The following RELN variants were observed in gnomAD, a reference collection of about 807,000 sequenced individuals.
RELN encodes reelin.
RELN carries 108 observed loss-of-function variants against 427.6 expected under a neutral mutation model. The observed-to-expected ratio is 0.25, with a 90% CI of 0.22 to 0.30. RELN has a LOEUF of 0.30. Ranked by LOEUF, RELN falls within the 10% of genes least tolerant of loss-of-function variation. RELN has a pLI of 1.00. For missense variants in RELN, 3,715 were observed against 4,302.8 expected (o/e 0.86, Z 3.82); for synonymous variants, 1,524 against 1,513.4 (o/e 1.01, Z -0.16).
intron 42 of RELN, among the ~76,000 whole-genome samples, chr7:103,544,354 G>T (rs939068560): frequency 7.0e-6 from 1 of 142,866 alleles, no homozygotes; most frequent in East Asian, 2.2e-4. Flanking sequence ...ATCACCTCCC[G>T]AGTAGCTGGG....
At chr7:103,908,379 T>TA (rs1795264748) in intron 2 of RELN, among the ~76,000 whole-genome samples, 3 of 152,200 alleles carry the variant, frequency 2.0e-5, no homozygotes, top group Admixed American at 2.0e-4. Flanking sequence ...TAATCTCATT[T>TA]AATCCAACCT....
At chr7:103,542,975 C>CA in intron 42 of RELN, 97 bp from the exon 43 acceptor site, 1 of 1,159,762 alleles carries the variant, frequency 8.6e-7, no homozygotes, top group East Asian at 3.2e-5. Flanking sequence ...TATGTAGTTT[C>CA]AAAATATGAA....
chr7:103,747,802 C>A (rs945652413), intron 6 of RELN, among the ~76,000 whole-genome samples: 5 of 151,832 alleles, frequency 3.3e-5, no homozygotes, highest in Admixed American at 6.6e-5. Flanking sequence ...TAGGAAAAAA[C>A]TTTTTTAAAA....
chr7:103,983,036 C>A, intron 1 of RELN, among the ~76,000 whole-genome samples: 1 of 152,136 alleles, frequency 6.6e-6, no homozygotes, highest in East Asian at 1.9e-4. Context: ...TAAAGGATAA[C>A]CTGCATTTTA....
chr7:103,844,339 T>C lies in RELN; in HGVS notation c.338-10667A>G, dbSNP rs181265020. On this transcript the variant is annotated intron_variant, in intron 2 of 64. Coordinates refer to ENST00000428762, the MANE Select transcript of RELN (RefSeq NM_005045.4). Reference sequence around the variant, plus strand: ...GACCTATCTGGGAAGTTTACTACAATATCAAAATTACTACTCAGCACCATG... The same window carrying C: ...GACCTATCTGGGAAGTTTACTACAACATCAAAATTACTACTCAGCACCATG... Among the ~76,000 whole-genome samples the C allele has an allele frequency of 1.3e-3, 191 of 152,290 alleles. 2 individuals carry two copies. Among genetic ancestry groups the C allele is most frequent in the Middle Eastern group, 6.8e-3 (2 of 294 alleles).
intron 1 of RELN, among the ~76,000 whole-genome samples, chr7:103,942,707 G>A (rs1257192763): frequency 6.6e-6 from 1 of 152,044 alleles, no homozygotes; most frequent in East Asian, 1.9e-4. Flanking sequence ...AGGTCAAGAG[G>A]TTGAGACCAT....
chr7:103,742,016 C>CA (rs1790675560), intron 6 of RELN, among the ~76,000 whole-genome samples: 1 of 151,978 alleles, frequency 6.6e-6, no homozygotes, highest in Non-Finnish European at 1.5e-5. Context: ...AGGCACCCCC[C>CA]AGTAGGGGCG....
Position 103,796,947 on chromosome 7 carries a change from C to T in RELN, c.474-20320G>A, listed in dbSNP as rs186437553. ...AAAGTAAGGATACATAACTATGGAA[C>T]CATCCTTATATACTTCTGTGGTAAG... On this transcript the variant is annotated intron_variant, in intron 3 of 64. Transcript: ENST00000428762. 4.2e-4 allele frequency among the ~76,000 whole-genome samples: 63 copies of T among 150,168 alleles called. No individual in the cohort carries two copies. In the East Asian group the frequency reaches 0.012, roughly 28 times the overall value.
At chr7:103,522,852 C>CAGACACACACACACACA (rs1554369904) in intron 47 of RELN, among the ~76,000 whole-genome samples, 4 of 150,606 alleles carry the variant, frequency 2.7e-5, no homozygotes, top group East Asian at 1.9e-4. Flanking sequence ...CACACACACA[C>CAGACACACACACACACA]CCCCACACCT....
rs58749622 is a variant in RELN, at chr7:103,934,811, T to A, written c.227-17626A>T. 6.3e-3 allele frequency among the ~76,000 whole-genome samples: 953 copies of A among 152,298 alleles called. 14 individuals carry two copies. Among genetic ancestry groups the A allele is most frequent in the African/African-American group, 0.022 (907 of 41,568 alleles). On this transcript the variant is annotated intron_variant, in intron 1 of 64. Coordinates refer to ENST00000428762, the MANE Select transcript of RELN (RefSeq NM_005045.4). The stretch of plus-strand genomic sequence containing the variant: ...CCCATTAATCTAGAGGCAAAAAGGA[T>A]TCCAGAATGGGAATGGGAATAAGAA...
intron 1 of RELN, among the ~76,000 whole-genome samples, chr7:103,932,021 C>A (rs1795877471): frequency 6.6e-6 from 1 of 152,210 alleles, no homozygotes; most frequent in Non-Finnish European, 1.5e-5. Flanking sequence ...TTCAACCCAG[C>A]AATCCCACTA....
Position 103,889,795 on chromosome 7 carries a change from A to G in RELN, c.337+27280T>C, listed in dbSNP as rs544636814. Among the ~76,000 whole-genome samples the G allele has an allele frequency of 1.6e-3, 238 of 152,306 alleles. 2 individuals are homozygous for G. The highest frequency in any genetic ancestry group is 5.5e-3 in the African/African-American group (229 of 41,576). On this transcript the variant is annotated intron_variant, in intron 2 of 64. Transcript: ENST00000428762. ...CACTCCCTTGTTAGAGGAAAATAAG[A>G]CACTATAAAAAGCACCAACCCTAAA... is the stretch of plus-strand genomic sequence containing the variant.
chr7:103,664,100 T>C (rs1833204109), intron 11 of RELN, among the ~76,000 whole-genome samples: 1 of 152,182 alleles, frequency 6.6e-6, no homozygotes, highest in South Asian at 2.1e-4. Flanking sequence ...GGGGAACACG[T>C]ATTTATAGCA....
intron 4 of RELN, among the ~76,000 whole-genome samples, chr7:103,773,535 T>C (rs1563005097): frequency 6.6e-6 from 1 of 151,452 alleles, no homozygotes; most frequent in South Asian, 2.1e-4. Context: ...AGTGGTGCAA[T>C]TTCGGCTCAC....
At chr7:103,933,742 C>T (rs1795915127) in intron 1 of RELN, among the ~76,000 whole-genome samples, 1 of 152,134 alleles carries the variant, frequency 6.6e-6, no homozygotes, top group African/African-American at 2.4e-5. Context: ...GGGCTTGCAA[C>T]ACTCCCTGGG....
intron 4 of RELN, among the ~76,000 whole-genome samples, chr7:103,756,366 A>G (rs1584468154): frequency 6.6e-6 from 1 of 152,302 alleles, no homozygotes; most frequent in East Asian, 1.9e-4. Context: ...CAGATTTAAA[A>G]TTCACTGGTT....
At chr7:103,817,094 C>T (rs1383946610) in intron 3 of RELN, among the ~76,000 whole-genome samples, 6 of 152,102 alleles carry the variant, frequency 3.9e-5, no homozygotes, top group South Asian at 4.1e-4. Flanking sequence ...TCAAGTGATC[C>T]GCCCGCTTTG....
intron 3 of RELN, among the ~76,000 whole-genome samples, chr7:103,781,868 G>A (rs1432759936): frequency 6.6e-6 from 1 of 151,576 alleles, no homozygotes; most frequent in African/African-American, 2.4e-5. Flanking sequence ...TCGGGGGGAA[G>A]GTCCATCACA....
At chr7:103,749,649 C>T in intron 5 of RELN, 145 bp from the exon 6 acceptor site, 4 of 680,034 alleles carry the variant, frequency 5.9e-6, no homozygotes, top group South Asian at 3.3e-5. Flanking sequence ...TTTGCTTTGT[C>T]CCTCAAACTA....
Sources: allele counts gnomAD v4.1 joint callset (sites outside exome capture counted in the v4.1 genomes callset), GRCh38; gene constraint gnomAD v4.1.1; transcripts MANE v1.5; gene names NCBI Gene and HGNC (gene_info 2026-07-23, HGNC 2026-07-21).